Variants in SMYD3 observed in about 807,000 individuals in gnomAD.
SMYD3 encodes the protein histone-lysine N-methyltransferase SMYD3.
Under a neutral mutation model 57.7 loss-of-function variants are expected in SMYD3, and 36 were observed. That is an observed-to-expected ratio of 0.62 (90% CI 0.48 to 0.82). SMYD3 has a LOEUF of 0.82. Among genes scored for constraint, SMYD3 ranks in the 40% least tolerant of loss-of-function variants. SMYD3 has a pLI of 0.00. For missense variants in SMYD3, 515 were observed against 538.8 expected (o/e 0.96, Z 0.44); for synonymous variants, 211 against 195.0 (o/e 1.08, Z -0.68).
At chr1:245,805,901 A>C (rs139115154) in intron 10 of SMYD3, among the ~76,000 whole-genome samples, 58 of 152,342 alleles carry the variant, frequency 3.8e-4, no homozygotes, top group African/African-American at 1.4e-3. Flanking sequence ...TATATTCCCA[A>C]GTTCCTTCTA....
chr1:245,824,420 G>GA (rs1217368802), intron 10 of SMYD3, among the ~76,000 whole-genome samples: 3 of 152,206 alleles, frequency 2.0e-5, no homozygotes, highest in Non-Finnish European at 4.4e-5. Flanking sequence ...AGTAATCTTT[G>GA]AAAATGAAAA....
In SMYD3 at chr1:246,499,667, G is replaced by T. The variant is rs185063860; in HGVS notation, c.164+7387C>A. Among the ~76,000 whole-genome samples the T allele has an allele frequency of 2.1e-3, 323 of 152,152 alleles. 1 individual carries two copies. Among genetic ancestry groups the T allele is most frequent in the African/African-American group, 6.6e-3 (275 of 41,506 alleles). On this transcript the variant is annotated intron_variant, in intron 1 of 11. Coordinates refer to ENST00000490107, the MANE Select transcript of SMYD3 (RefSeq NM_001167740.2). ...GACGGGGTTTCGCTACGTTGGCCAGGCTGGTCTCAAACTCCTGGGCTCATG... is the reference window on the plus strand; with the variant it reads ...GACGGGGTTTCGCTACGTTGGCCAGTCTGGTCTCAAACTCCTGGGCTCATG...
chr1:245,999,082 G>C (rs1179337117), intron 5 of SMYD3, among the ~76,000 whole-genome samples: 1 of 152,056 alleles, frequency 6.6e-6, no homozygotes, highest in Admixed American at 6.6e-5. Context: ...GCACAAGACT[G>C]TGGATGTAAT....
intron 5 of SMYD3, among the ~76,000 whole-genome samples, chr1:246,227,956 C>CTTTTTTTTTTTTTTTTTT (rs202246263): frequency 2.6e-5 from 3 of 115,594 alleles, no homozygotes; most frequent in African/African-American, 1.1e-4. Context: ...ATTTTTATTC[C>CTTTTTTTTTTTTTTTTTT]TTTTTTTTTT....
intron 5 of SMYD3, among the ~76,000 whole-genome samples, chr1:246,037,888 G>C (rs1339439311): frequency 6.6e-6 from 1 of 152,196 alleles, no homozygotes; most frequent in Non-Finnish European, 1.5e-5. Context: ...CAGAGCAAGA[G>C]TTGGCAAACT....
At chr1:246,084,545 T>C (rs1572997290) in intron 5 of SMYD3, among the ~76,000 whole-genome samples, 1 of 152,194 alleles carries the variant, frequency 6.6e-6, no homozygotes, top group Non-Finnish European at 1.5e-5. Flanking sequence ...TCTAGCATTC[T>C]ATCAGTGCCT....
intron 5 of SMYD3, among the ~76,000 whole-genome samples, chr1:246,278,327 TG>T (rs141822972): frequency 0.025 from 3,745 of 152,266 alleles, 148 homozygotes; most frequent in African/African-American, 0.085. Context: ...TGCAGGCCTT[TG>T]TACAATCCCC....
intron 5 of SMYD3, among the ~76,000 whole-genome samples, chr1:246,127,790 G>C (rs2061530484): frequency 6.6e-6 from 1 of 152,096 alleles, no homozygotes; most frequent in Admixed American, 6.6e-5. Flanking sequence ...CAGCTACTCA[G>C]GAAGCTGAGG....
At chr1:246,339,843 G>A (rs952461576) in intron 2 of SMYD3, among the ~76,000 whole-genome samples, 32 of 152,328 alleles carry the variant, frequency 2.1e-4, no homozygotes, top group African/African-American at 6.3e-4. Context: ...TCAGGAGCAC[G>A]CTCCCGTCAT....
At chr1:246,171,706 G>A (rs770087408) in intron 5 of SMYD3, among the ~76,000 whole-genome samples, 2 of 152,156 alleles carry the variant, frequency 1.3e-5, no homozygotes, top group Non-Finnish European at 2.9e-5. Flanking sequence ...ACATAGAAGA[G>A]GTACAATAAA....
chr1:245,786,217 G>GGGA lies in SMYD3; in HGVS notation c.1077-22069_1077-22068insTCC, dbSNP rs11457107. 3.4e-5 allele frequency among the ~76,000 whole-genome samples: 5 copies of GGGA among 148,140 alleles called. 1 individual carries two copies. The highest frequency in any genetic ancestry group is 3.2e-3 in the Middle Eastern group (1 of 316). ...TGAGTTGAGTTGGGGTGTGGACGGG[G>GGGA]GGGGGATGGTGGCAACAGAATATTA... On this transcript the variant is annotated intron_variant, in intron 10 of 11. Coordinates refer to ENST00000490107, the MANE Select transcript of SMYD3 (RefSeq NM_001167740.2).
intron 1 of SMYD3, among the ~76,000 whole-genome samples, chr1:246,433,878 T>A (rs554494802): frequency 6.6e-6 from 1 of 152,014 alleles, no homozygotes; most frequent in Non-Finnish European, 1.5e-5. Context: ...AAGTATACTA[T>A]AAGGCCAAAC....
chr1:245,908,218 A>G (rs957989836), intron 8 of SMYD3, among the ~76,000 whole-genome samples: 2 of 151,886 alleles, frequency 1.3e-5, no homozygotes, highest in African/African-American at 4.8e-5. Context: ...AGTGTATCAC[A>G]CAAAATAGAC....
chr1:246,407,256 G>C (rs2066881990), intron 1 of SMYD3, among the ~76,000 whole-genome samples: 1 of 152,186 alleles, frequency 6.6e-6, no homozygotes, highest in South Asian at 2.1e-4. Context: ...TATTGTTCTA[G>C]TGTATTTAAT....
chr1:246,295,976 G>T (rs1572349070), intron 5 of SMYD3, among the ~76,000 whole-genome samples: 1 of 152,190 alleles, frequency 6.6e-6, no homozygotes, highest in Non-Finnish European at 1.5e-5. Context: ...TTCTGCTGTT[G>T]TATGTATGCA....
intron 1 of SMYD3, among the ~76,000 whole-genome samples, chr1:246,391,897 A>G (rs1195025644): frequency 1.3e-5 from 2 of 152,144 alleles, no homozygotes; most frequent in Non-Finnish European, 2.9e-5. Context: ...CGAACATTCA[A>G]TGTCTTCAAA....
At chr1:246,261,441 T>C (rs1347172389) in intron 5 of SMYD3, among the ~76,000 whole-genome samples, 2 of 151,916 alleles carry the variant, frequency 1.3e-5, no homozygotes, top group African/African-American at 2.4e-5. Context: ...TTAGAAAACT[T>C]TTATTTTCTT....
chr1:245,902,160 T>C (rs943237346), intron 8 of SMYD3, among the ~76,000 whole-genome samples: 2 of 152,272 alleles, frequency 1.3e-5, no homozygotes, highest in East Asian at 1.9e-4. Context: ...TGAGGCCAGC[T>C]GGACCAAGTG....
chr1:245,799,683 T>A (rs888695623), intron 10 of SMYD3, among the ~76,000 whole-genome samples: 2 of 152,232 alleles, frequency 1.3e-5, no homozygotes, highest in African/African-American at 4.8e-5. Flanking sequence ...CTGACGCTGG[T>A]AGAGGAGGCA....
Sources: gnomAD v4.1 joint callset for allele counts (sites outside exome capture counted in the v4.1 genomes callset) on GRCh38, gnomAD v4.1.1 for gene constraint, MANE v1.5 for transcripts, NCBI Gene and HGNC (gene_info 2026-07-23, HGNC 2026-07-21) for gene names.